The following SSBP2 variants were observed in gnomAD, a reference collection of about 807,000 sequenced individuals.
SSBP2 encodes single-stranded DNA-binding protein 2.
SSBP2 carries 17 observed loss-of-function variants against 61.8 expected under a neutral mutation model. That is an observed-to-expected ratio of 0.28 (90% confidence interval 0.19 to 0.41). The LOEUF is 0.41. Among genes scored for constraint, SSBP2 ranks in the 10% least tolerant of loss-of-function variants. SSBP2 has a pLI of 1.00. For missense variants in SSBP2, 310 were observed against 458.7 expected (o/e 0.68, Z 2.96); for synonymous variants, 139 against 141.3 (o/e 0.98, Z 0.12).
intron 10 of SSBP2, among the ~76,000 whole-genome samples, chr5:81,459,771 T>G (rs1259043190): frequency 6.6e-6 from 1 of 152,224 alleles, no homozygotes; most frequent in Non-Finnish European, 1.5e-5. Flanking sequence ...TTAGGTCAAA[T>G]AGTAAGAAGC....
chr5:81,651,308 A>G (rs571831240), intron 1 of SSBP2, among the ~76,000 whole-genome samples: 1 of 152,216 alleles, frequency 6.6e-6, no homozygotes, highest in African/African-American at 2.4e-5. Context: ...TGCCAAGCAG[A>G]TTTTCGACTG....
chr5:81,692,610 T>A (rs1753287595), intron 1 of SSBP2, among the ~76,000 whole-genome samples: 2 of 152,276 alleles, frequency 1.3e-5, no homozygotes, highest in Non-Finnish European at 1.5e-5. Flanking sequence ...CAAATTATAC[T>A]ACACAGCTAT....
At chr5:81,585,409 C>G (rs1175888987) in intron 4 of SSBP2, among the ~76,000 whole-genome samples, 1 of 151,942 alleles carries the variant, frequency 6.6e-6, no homozygotes, top group African/African-American at 2.4e-5. Context: ...AAATCTAGGT[C>G]TTATTCTAAA....
intron 4 of SSBP2, among the ~76,000 whole-genome samples, chr5:81,571,460 C>T (rs1773835673): frequency 6.6e-6 from 1 of 152,102 alleles, no homozygotes; most frequent in Non-Finnish European, 1.5e-5. Flanking sequence ...AACATATTAC[C>T]ATGGAACTAT....
At chr5:81,573,906 C>A (rs1469282132) in intron 4 of SSBP2, among the ~76,000 whole-genome samples, 1 of 151,964 alleles carries the variant, frequency 6.6e-6, no homozygotes, top group Non-Finnish European at 1.5e-5. Context: ...TTTGGGAGGC[C>A]GAGGCAGGCG....
At chr5:81,524,448 TA>T (rs879618649) in intron 4 of SSBP2, among the ~76,000 whole-genome samples, 1 of 152,190 alleles carries the variant, frequency 6.6e-6, no homozygotes, top group Non-Finnish European at 1.5e-5. Flanking sequence ...CTCATTGTTT[TA>T]AGCTGCTAAA....
intron 15 of SSBP2, among the ~76,000 whole-genome samples, chr5:81,432,751 G>C (rs1762377618): frequency 6.6e-6 from 1 of 150,492 alleles, no homozygotes; most frequent in South Asian, 2.1e-4. Flanking sequence ...GAGTCCGGGA[G>C]GGAGGTGGGG....
chr5:81,522,038 G>A (rs916936501), intron 4 of SSBP2, among the ~76,000 whole-genome samples: 2 of 151,776 alleles, frequency 1.3e-5, no homozygotes, highest in African/African-American at 4.8e-5. Context: ...CTTCTTTTCC[G>A]AAACTATCCA....
At chr5:81,751,639 C>A (rs1349098149), upstream of SSBP2, 1 of 156,926 alleles carries the variant, frequency 6.4e-6, no homozygotes, top group African/African-American at 2.4e-5. Flanking sequence ...CCGCTCCTCT[C>A]CTATGCGTGA....
At chr5:81,639,119 G>A (rs1413747033) in intron 2 of SSBP2, among the ~76,000 whole-genome samples, 1 of 152,036 alleles carries the variant, frequency 6.6e-6, no homozygotes, top group Non-Finnish European at 1.5e-5. Context: ...CAAGAGATTA[G>A]GCTTAATATT....
chr5:81,737,787 CA>C (rs35211460), intron 1 of SSBP2, among the ~76,000 whole-genome samples: 51 of 108,264 alleles, frequency 4.7e-4, no homozygotes, highest in East Asian at 7.4e-4. Flanking sequence ...GACTCCATCT[CA>C]AAAAAAAAAA....
intron 4 of SSBP2, among the ~76,000 whole-genome samples, chr5:81,523,271 T>C (rs776247684): frequency 6.6e-5 from 10 of 152,196 alleles, no homozygotes; most frequent in Admixed American, 6.6e-4. Flanking sequence ...TAAAATACTT[T>C]AGGAGGTGGC....
At chr5:81,427,873 C>A (rs779853106) in intron 16 of SSBP2, among the ~76,000 whole-genome samples, 1 of 152,098 alleles carries the variant, frequency 6.6e-6, no homozygotes, top group Non-Finnish European at 1.5e-5. Flanking sequence ...TTCTGGGAAA[C>A]TGTATTTTAA....
chr5:81,453,545 C>T (rs1431160290), intron 10 of SSBP2, among the ~76,000 whole-genome samples: 1 of 151,446 alleles, frequency 6.6e-6, no homozygotes, highest in African/African-American at 2.4e-5. Context: ...CAGGCTCCGC[C>T]CCCCGGGTTC....
intron 1 of SSBP2, 133 bp downstream of exon 1, chr5:81,750,848 C>T: frequency 9.9e-7 from 1 of 1,007,514 alleles, no homozygotes; most frequent in Non-Finnish European, 1.5e-6. Context: ...CCCATCGCGG[C>T]ACCCCTCCCC....
At chr5:81,640,695 A>C (rs1047243042) in intron 2 of SSBP2, among the ~76,000 whole-genome samples, 9 of 151,452 alleles carry the variant, frequency 5.9e-5, no homozygotes, top group African/African-American at 2.2e-4. Flanking sequence ...TTCTCTCAAA[A>C]ACTCTGATGT....
At chr5:81,666,803 T>C (rs969955884) in intron 1 of SSBP2, among the ~76,000 whole-genome samples, 2 of 152,174 alleles carry the variant, frequency 1.3e-5, no homozygotes, top group Non-Finnish European at 2.9e-5. Context: ...TATACACAGA[T>C]TGTCATAATC....
At chr5:81,535,548 G>GA (rs571661870) in intron 4 of SSBP2, among the ~76,000 whole-genome samples, 105 of 152,102 alleles carry the variant, frequency 6.9e-4, no homozygotes, top group African/African-American at 2.4e-3. Flanking sequence ...GTATTGGAAG[G>GA]AAAAATAGAC....
In SSBP2 at chr5:81,445,158, ATATATATATATATATATATG is replaced by A. The variant is rs1290868419; in HGVS notation, c.778+1690_778+1709del. 1.1e-3 allele frequency among the ~76,000 whole-genome samples: 107 copies of A among 93,450 alleles called. 10 individuals carry two copies. The highest frequency in any genetic ancestry group is 4.8e-3 in the Middle Eastern group (1 of 210). The allele number at this position is 93,450 out of a possible 152,430, so 61.3% of individuals were successfully genotyped here. A position where few individuals can be genotyped will look rare whatever the true frequency, so the allele number is the denominator to read the frequency against. On this transcript the variant is annotated intron_variant, in intron 12 of 16. Transcript: ENST00000320672. ...AAATTTTATATATATATATATATATATATATATATATATATATATGTATGTATTTACTGGAAAATGTCTGA... is the reference window on the plus strand; with the variant it reads ...AAATTTTATATATATATATATATATATATGTATTTACTGGAAAATGTCTGA...
Sources: allele counts gnomAD v4.1 joint callset (sites outside exome capture counted in the v4.1 genomes callset), GRCh38; gene constraint gnomAD v4.1.1; transcripts MANE v1.5; gene names NCBI Gene and HGNC (gene_info 2026-07-23, HGNC 2026-07-21).